DMD: variants seen among roughly 807,000 people sequenced by gnomAD.
DMD encodes dystrophin.
A neutral mutation model predicts 330.1 loss-of-function variants in DMD; 63 were observed. That is an observed-to-expected ratio of 0.19 (90% CI 0.16 to 0.24). The LOEUF (loss-of-function observed/expected upper bound fraction) is 0.24. Ranked by LOEUF, DMD falls within the 10% of genes least tolerant of loss-of-function variation. DMD has a pLI of 1.00. For synonymous variants in DMD, 1,223 were observed against 959.8 expected (o/e 1.27, Z -5.07); for missense variants, 3,344 against 2,684.1 (o/e 1.25, Z -5.43).
At chrX:31,851,129 T>C in intron 48 of DMD, among the ~76,000 whole-genome samples, 1 of 111,504 alleles carries the variant, frequency 9.0e-6, no homozygotes, top group Middle Eastern at 4.6e-3. Context: ...TGACTGTTCT[T>C]TTACTTAACT....
intron 1 of DMD, among the ~76,000 whole-genome samples, chrX:33,307,938 A>C (rs1050367889): frequency 1.8e-5 from 2 of 111,975 alleles, no homozygotes; most frequent in Non-Finnish European, 3.8e-5. Flanking sequence ...CCAGTTTTTC[A>C]AATATAATTG....
At position 32,095,930 on chromosome X, in the gene DMD, A is replaced by AGTT. The variant is rs1490144670; in HGVS notation, c.6438+120983_6438+120985dup. 1.5e-4 allele frequency among the ~76,000 whole-genome samples: 17 copies of AGTT among 110,134 alleles called. No homozygotes were observed. The East Asian group carries it at 4.3e-3, about 28-fold the overall frequency. On this transcript the variant is annotated intron_variant, in intron 44 of 78. Transcript: ENST00000357033. ...AAGTTTTTTTTTTTATTATACTTTA[A>AGTT]GTTTTAGGGTTCATGTGCACAACAT...
intron 62 of DMD, among the ~76,000 whole-genome samples, chrX:31,263,704 C>T (rs5972355): frequency 0.19 from 21,068 of 111,614 alleles, 2,034 homozygotes; most frequent in African/African-American, 0.36. Context: ...CCTTTTATTT[C>T]TAAGCAATGC....
chrX:32,629,729 A>G (rs759557095), intron 11 of DMD, among the ~76,000 whole-genome samples: 9 of 110,359 alleles, frequency 8.2e-5, no homozygotes, highest in Non-Finnish European at 1.7e-4. Flanking sequence ...TTTGTAAAGA[A>G]TAAGTTATAA....
chrX:33,330,087 A>T (rs1198971305), intron 1 of DMD, among the ~76,000 whole-genome samples: 1 of 111,156 alleles, frequency 9.0e-6, no homozygotes, highest in East Asian at 2.8e-4. Context: ...ATGTGTATAT[A>T]TGCATATCTA....
chrX:33,313,685 A>G (rs776656118), intron 1 of DMD, among the ~76,000 whole-genome samples: 1 of 111,445 alleles, frequency 9.0e-6, no homozygotes, highest in Non-Finnish European at 1.9e-5. Flanking sequence ...GTAAAAAAAA[A>G]AAAAATGCAA....
intron 47 of DMD, among the ~76,000 whole-genome samples, chrX:31,892,327 A>C (rs2094266880): frequency 1.8e-5 from 2 of 111,724 alleles, no homozygotes; most frequent in African/African-American, 6.5e-5. Context: ...AATTACGTGT[A>C]GCCTTGATGG....
Position 32,491,257 on chromosome X carries a change from G to A in DMD, c.2622+20C>T, listed in dbSNP as rs1340262184. The A allele has an allele frequency of 8.3e-7, 1 of 1,209,732 alleles. No homozygotes were observed. Among genetic ancestry groups the A allele is most frequent in the Admixed American group, 2.2e-5 (1 of 46,026 alleles). ...ATACCTATTGATTATGCTCCAAATG[G>A]AAGGAGAAGAGATTCTTACCTTACA... On this transcript the variant is annotated intron_variant, in intron 20 of 78. Transcript: ENST00000357033.
intron 60 of DMD, among the ~76,000 whole-genome samples, chrX:31,416,329 T>C (rs1035933151): frequency 8.9e-6 from 1 of 112,472 alleles, no homozygotes. Flanking sequence ...AATATCCCTA[T>C]AGGATCTCAT....
At chrX:33,016,351 T>A (rs906092822) in intron 2 of DMD, among the ~76,000 whole-genome samples, 3 of 111,842 alleles carry the variant, frequency 2.7e-5, no homozygotes, top group Non-Finnish European at 3.8e-5. Context: ...GATACACACT[T>A]ACATGTAGAC....
chrX:32,935,507 T>C (rs1275493964), intron 2 of DMD, among the ~76,000 whole-genome samples: 1 of 112,335 alleles, frequency 8.9e-6, no homozygotes, highest in Non-Finnish European at 1.9e-5. Flanking sequence ...TAATTATTTA[T>C]ACTGCTATAT....
At chrX:33,223,259 C>T (rs1452213149) in intron 1 of DMD, among the ~76,000 whole-genome samples, 7 of 111,792 alleles carry the variant, frequency 6.3e-5, no homozygotes, top group South Asian at 3.7e-4. Flanking sequence ...TGCAGTGAGC[C>T]GAGATCATGC....
intron 51 of DMD, among the ~76,000 whole-genome samples, chrX:31,737,563 C>G (rs759281323): frequency 8.9e-6 from 1 of 111,955 alleles, no homozygotes; most frequent in Non-Finnish European, 1.9e-5. Context: ...GACTCACTCT[C>G]CTCTCATCCA....
intron 16 of DMD, 73 bp from the exon 17 acceptor site, chrX:32,545,407 G>A: frequency 9.9e-7 from 1 of 1,006,212 alleles, no homozygotes; most frequent in Non-Finnish European, 1.4e-6. Flanking sequence ...GAGTGGCAAA[G>A]GAAAATAATG....
intron 9 of DMD, among the ~76,000 whole-genome samples, chrX:32,646,730 A>C (rs1308531863): frequency 9.0e-6 from 1 of 111,639 alleles, no homozygotes; most frequent in African/African-American, 3.3e-5. Flanking sequence ...AATATTTTAA[A>C]TTTCCCCAAC....
chrX:33,006,244 G>A (rs763028887), intron 2 of DMD, among the ~76,000 whole-genome samples: 7 of 111,153 alleles, frequency 6.3e-5, no homozygotes, highest in Admixed American at 1.9e-4. Flanking sequence ...TAGACAAACC[G>A]TTTCTAAAGT....
chrX:31,658,321 C>T (rs2080912305), intron 53 of DMD, among the ~76,000 whole-genome samples, 177 bp from the exon 54 acceptor site: 2 of 111,834 alleles, frequency 1.8e-5, no homozygotes, highest in Admixed American at 1.9e-4. Context: ...GGTAACCCAC[C>T]TTTCAGGACA....
intron 15 of DMD, among the ~76,000 whole-genome samples, chrX:32,566,763 A>G (rs1310523101): frequency 8.9e-6 from 1 of 111,850 alleles, no homozygotes; most frequent in African/African-American, 3.3e-5. Context: ...TACTTGACTC[A>G]GTAACTTTGC....
In DMD at chrX:33,211,498, TA is replaced by T. The variant is rs1231689384; in HGVS notation, c.-187del. 9.1e-7 allele frequency: 1 copy of T among 1,094,728 alleles called. No individual in the cohort carries two copies. The highest frequency in any genetic ancestry group is 1.9e-5 in the African/African-American group (1 of 53,085). 90.2% of individuals were successfully genotyped at this position (1,094,728 alleles called of 1,213,427 possible). On this transcript the variant is annotated 5_prime_UTR_variant, in exon 1 of 79. Coordinates refer to ENST00000357033, the MANE Select transcript of DMD (RefSeq NM_004006.3). ...AATTGCCTCCCAGATCTGAGTCCTGTAGGGGGAAAGTGAGTGATCCCAACAC... is the reference window on the plus strand; with the variant it reads ...AATTGCCTCCCAGATCTGAGTCCTGTGGGGGAAAGTGAGTGATCCCAACAC...
Sources: gnomAD v4.1 joint callset for allele counts (sites outside exome capture counted in the v4.1 genomes callset) on GRCh38, gnomAD v4.1.1 for gene constraint, MANE v1.5 for transcripts, NCBI Gene and HGNC (gene_info 2026-07-23, HGNC 2026-07-21) for gene names.